Variants in CADM1 observed in about 807,000 individuals in gnomAD.
The protein encoded by CADM1 is cell adhesion molecule 1.
Under a neutral mutation model 53.1 loss-of-function variants are expected in CADM1, and 15 were observed. The observed-to-expected ratio is 0.28, with a 90% confidence interval of 0.19 to 0.44. CADM1 has a LOEUF of 0.44. CADM1 is among the 20% of genes least tolerant of loss of function. The probability of loss-of-function intolerance (pLI) is 1.00; values close to 1 mark genes in which losing one functional copy is unlikely to be tolerated. For synonymous variants in CADM1, 281 were observed against 243.0 expected (o/e 1.16, Z -1.45); for missense variants, 434 against 611.3 (o/e 0.71, Z 3.06).
intron 1 of CADM1, among the ~76,000 whole-genome samples, chr11:115,382,655 C>A (rs978783994): frequency 5.9e-5 from 9 of 151,972 alleles, no homozygotes; most frequent in African/African-American, 1.5e-4. Flanking sequence ...TTTGAATTAT[C>A]CAGGAAATCA....
intron 1 of CADM1, among the ~76,000 whole-genome samples, chr11:115,368,108 G>GTTTT (rs1946215578): frequency 8.9e-6 from 1 of 112,946 alleles, no homozygotes; most frequent in African/African-American, 3.5e-5. Context: ...TATCACTAGA[G>GTTTT]TCTTTTTTTT....
Position 115,214,732 on chromosome 11 carries a change from G to T in CADM1, c.870C>A (p.His290Gln), listed in dbSNP as rs746902980. Reference sequence around the variant, plus strand: ...ACAGGTTGGGCCCAGACAGTACGGCGTGTTGAGGCATTTCATCATCGACTC... The same window carrying T: ...ACAGGTTGGGCCCAGACAGTACGGCTTGTTGAGGCATTTCATCATCGACTC... Reference protein sequence around the residue: ...WVRVDDEMPQHAVLSGPNLFI... With the variant: ...WVRVDDEMPQQAVLSGPNLFI... The change falls in exon 7 of 12, where the codon CAC (histidine) becomes CAA (glutamine). Residue 290 changes from histidine to glutamine, a missense_variant. By Grantham distance (24) the His-to-Gln change is conservative. Coordinates refer to ENST00000331581, the MANE Select transcript of CADM1 (RefSeq NM_001301043.2). The T allele has an allele frequency of 6.2e-7, 1 of 1,613,990 alleles. No homozygotes were observed. The highest frequency in any genetic ancestry group is 1.1e-5 in the South Asian group (1 of 91,076).
At chr11:115,346,558 CTTAT>C (rs1201983489) in intron 1 of CADM1, among the ~76,000 whole-genome samples, 1 of 151,998 alleles carries the variant, frequency 6.6e-6, no homozygotes, top group Non-Finnish European at 1.5e-5. Context: ...TTTGTTTTTT[CTTAT>C]TTTTTTCCAT....
chr11:115,250,472 A>G (rs1247333429), intron 1 of CADM1, among the ~76,000 whole-genome samples: 1 of 152,238 alleles, frequency 6.6e-6, no homozygotes, highest in Admixed American at 6.5e-5. Flanking sequence ...ATTTAAAATC[A>G]TAAGACTGTA....
intron 1 of CADM1, among the ~76,000 whole-genome samples, chr11:115,382,175 T>C (rs1238198322): frequency 3.3e-5 from 5 of 152,152 alleles, no homozygotes; most frequent in Non-Finnish European, 5.9e-5. Context: ...AATATTAATA[T>C]GTATTAAAAG....
At chr11:115,267,771 T>C (rs1267886243) in intron 1 of CADM1, among the ~76,000 whole-genome samples, 1 of 146,770 alleles carries the variant, frequency 6.8e-6, no homozygotes, top group East Asian at 2.0e-4. Context: ...CTTTAAAAAA[T>C]ATGACGAATA....
intron 1 of CADM1, among the ~76,000 whole-genome samples, chr11:115,450,680 A>G (rs1948551781): frequency 6.6e-6 from 1 of 152,234 alleles, no homozygotes; most frequent in African/African-American, 2.4e-5. Flanking sequence ...GTGAAGCAGA[A>G]ATAAAATTAT....
At chr11:115,224,860 G>A (rs538047789) in intron 5 of CADM1, among the ~76,000 whole-genome samples, 8 of 152,124 alleles carry the variant, frequency 5.3e-5, no homozygotes, top group Admixed American at 4.6e-4. Context: ...TCTACTAACC[G>A]TGCTACAATT....
At chr11:115,293,703 A>G (rs1323446077) in intron 1 of CADM1, among the ~76,000 whole-genome samples, 2 of 152,188 alleles carry the variant, frequency 1.3e-5, no homozygotes, top group Admixed American at 1.3e-4. Context: ...GCTTAATAAT[A>G]TTTATTATTA....
chr11:115,343,448 A>G (rs1207240433), intron 1 of CADM1, among the ~76,000 whole-genome samples: 3 of 152,148 alleles, frequency 2.0e-5, no homozygotes, highest in Admixed American at 6.5e-5. Context: ...TCTCATAGGT[A>G]AGAAATGGAA....
At chr11:115,332,714 C>T (rs1286489504) in intron 1 of CADM1, among the ~76,000 whole-genome samples, 1 of 152,062 alleles carries the variant, frequency 6.6e-6, no homozygotes, top group Admixed American at 6.5e-5. Flanking sequence ...TTGACGCCTC[C>T]ACTGAGCAGA....
intron 9 of CADM1, among the ~76,000 whole-genome samples, chr11:115,194,280 C>T (rs536246731): frequency 1.2e-4 from 18 of 152,118 alleles, no homozygotes; most frequent in Non-Finnish European, 2.1e-4. Flanking sequence ...TTAAAATGGG[C>T]TTAAGAATTT....
intron 10 of CADM1, among the ~76,000 whole-genome samples, chr11:115,182,471 A>G (rs1939356513): frequency 6.6e-6 from 1 of 152,214 alleles, no homozygotes; most frequent in African/African-American, 2.4e-5. Flanking sequence ...AGGTTATTCC[A>G]GCCTCAGTGA....
At chr11:115,249,174 G>A (rs1386689642) in intron 1 of CADM1, among the ~76,000 whole-genome samples, 1 of 152,180 alleles carries the variant, frequency 6.6e-6, no homozygotes, top group Non-Finnish European at 1.5e-5. Context: ...AACATATGAA[G>A]TTTCTTTTAG....
intron 1 of CADM1, among the ~76,000 whole-genome samples, chr11:115,407,902 A>G (rs573275607): frequency 6.7e-6 from 1 of 149,660 alleles, no homozygotes; most frequent in African/African-American, 2.5e-5. Context: ...AAAAAAAAAA[A>G]AAAAGGCAGA....
chr11:115,447,715 C>T (rs932841430), intron 1 of CADM1, among the ~76,000 whole-genome samples: 2 of 152,104 alleles, frequency 1.3e-5, no homozygotes, highest in African/African-American at 4.8e-5. Flanking sequence ...GCTTTGCTGG[C>T]ACCCTCCTCA....
rs565231479 is a variant in CADM1 at position 115,430,306 on chromosome 11, C to T, written c.124+73965G>A. Among the ~76,000 whole-genome samples the T allele has an allele frequency of 3.9e-5, 6 of 152,304 alleles. No individual in the cohort carries two copies. In the South Asian group the frequency reaches 1.0e-3, roughly 26 times the overall value. ...TCCTATAGAGATAGCTAACGCTGGG[C>T]GTTTAGAGATCCTGACAATCTTTAT... On this transcript the variant is annotated intron_variant, in intron 1 of 11. Coordinates refer to ENST00000331581, the MANE Select transcript of CADM1 (RefSeq NM_001301043.2).
intron 9 of CADM1, among the ~76,000 whole-genome samples, chr11:115,192,826 T>C (rs1939946852): frequency 6.6e-6 from 1 of 152,252 alleles, no homozygotes; most frequent in Admixed American, 6.5e-5. Context: ...AGACAGTTGA[T>C]ATACACCTCA....
chr11:115,280,432 G>A (rs1278812368), intron 1 of CADM1, among the ~76,000 whole-genome samples: 3 of 152,138 alleles, frequency 2.0e-5, no homozygotes, highest in Non-Finnish European at 1.5e-5. Flanking sequence ...TCTCCAAACT[G>A]CTTTATGTGG....
Sources: allele counts gnomAD v4.1 joint callset (sites outside exome capture counted in the v4.1 genomes callset), GRCh38; gene constraint gnomAD v4.1.1; transcripts MANE v1.5; gene names NCBI Gene and HGNC (gene_info 2026-07-23, HGNC 2026-07-21).